The following DCLK1 variants were observed in gnomAD, a reference collection of about 807,000 sequenced individuals.
The protein encoded by DCLK1 is doublecortin like kinase 1.
Under a neutral mutation model 86.2 loss-of-function variants are expected in DCLK1, and 16 were observed. The observed-to-expected ratio is 0.19, with a 90% confidence interval of 0.13 to 0.28. The LOEUF (loss-of-function observed/expected upper bound fraction) is 0.28. DCLK1 is among the 10% of genes least tolerant of loss of function. The pLI is 1.00. For synonymous variants in DCLK1, 369 were observed against 370.5 expected, an observed-to-expected ratio of 1.00 and a Z score of 0.05; for missense variants, 590 against 940.2, an observed-to-expected ratio of 0.63 and a Z score of 4.87.
intron 4 of DCLK1, among the ~76,000 whole-genome samples, chr13:35,917,424 G>C (rs1233685822): frequency 6.6e-6 from 1 of 152,146 alleles, no homozygotes; most frequent in Non-Finnish European, 1.5e-5. Context: ...CCTGTGGTCA[G>C]TGATGCTTCG....
At chr13:35,914,178 G>A (rs1875224234) in intron 4 of DCLK1, among the ~76,000 whole-genome samples, 1 of 151,674 alleles carries the variant, frequency 6.6e-6, no homozygotes, top group African/African-American at 2.4e-5. Flanking sequence ...TATTAGCTGT[G>A]TATGGTGGCA....
intron 8 of DCLK1, among the ~76,000 whole-genome samples, chr13:35,833,473 C>T (rs1420955513): frequency 2.0e-5 from 3 of 152,158 alleles, no homozygotes; most frequent in Non-Finnish European, 4.4e-5. Context: ...TCACAGTCCA[C>T]TAACTTCCTT....
chr13:35,909,215 C>A (rs1874858676), intron 4 of DCLK1, among the ~76,000 whole-genome samples: 1 of 152,182 alleles, frequency 6.6e-6, no homozygotes, highest in African/African-American at 2.4e-5. Flanking sequence ...GGCTGCTGAG[C>A]CTCCTGGGGG....
chr13:35,999,648 T>C (rs1447177352), intron 3 of DCLK1, among the ~76,000 whole-genome samples: 2 of 152,200 alleles, frequency 1.3e-5, no homozygotes, highest in African/African-American at 4.8e-5. Flanking sequence ...AATTTTGTTT[T>C]CTTGACACAA....
chr13:36,040,894 T>C (rs921432664), intron 3 of DCLK1, among the ~76,000 whole-genome samples: 5 of 152,192 alleles, frequency 3.3e-5, no homozygotes, highest in Non-Finnish European at 5.9e-5. Flanking sequence ...TTAAATCGGT[T>C]CCTGTGTCCT....
At chr13:36,057,366 G>T (rs1344161687) in intron 3 of DCLK1, among the ~76,000 whole-genome samples, 1 of 152,092 alleles carries the variant, frequency 6.6e-6, no homozygotes, top group African/African-American at 2.4e-5. Flanking sequence ...GTATAAGTGA[G>T]GATTTAAGTG....
At chr13:35,905,105 G>T (rs996077738) in intron 4 of DCLK1, among the ~76,000 whole-genome samples, 3 of 152,188 alleles carry the variant, frequency 2.0e-5, no homozygotes, top group African/African-American at 7.2e-5. Context: ...CTCAATGAGA[G>T]GGTGTCAAAA....
chr13:35,882,045 A>C (rs1415953612), intron 4 of DCLK1, among the ~76,000 whole-genome samples: 1 of 152,228 alleles, frequency 6.6e-6, no homozygotes, highest in East Asian at 1.9e-4. Flanking sequence ...TTCATGGCTT[A>C]AAATGACCAA....
intron 3 of DCLK1, 140 bp downstream of exon 3, chr13:36,111,729 G>A (rs1885624985): frequency 1.5e-6 from 1 of 668,114 alleles, no homozygotes; most frequent in Non-Finnish European, 2.5e-6. Context: ...ACTGTTCTAG[G>A]GCCAGCAAGT....
chr13:36,056,634 A>G (rs1883324697), intron 3 of DCLK1, among the ~76,000 whole-genome samples: 2 of 145,934 alleles, frequency 1.4e-5, no homozygotes, highest in African/African-American at 2.6e-5. Context: ...AAAAAAAAAA[A>G]AAGAAAGAAA....
chr13:36,072,948 C>T (rs948503690), intron 3 of DCLK1, among the ~76,000 whole-genome samples: 10 of 152,206 alleles, frequency 6.6e-5, no homozygotes, highest in African/African-American at 1.9e-4. Flanking sequence ...ATAATTCATG[C>T]GCATTACTAC....
Position 35,882,175 on chromosome 13 carries a change from C to G in DCLK1, c.824-10835G>C, listed in dbSNP as rs149165626. On this transcript the variant is annotated intron_variant, in intron 4 of 16. Transcript: ENST00000360631. The stretch of plus-strand genomic sequence containing the variant: ...CCTTGTCGCTTATAGTTTCTGGTGA[C>G]TCCAGGCATTCCTTAGCTTGTGGCC... 1.7e-3 allele frequency among the ~76,000 whole-genome samples: 253 copies of G among 152,240 alleles called. 1 individual carries two copies. Among genetic ancestry groups the G allele is most frequent in the Non-Finnish European group, 1.7e-3 (115 of 68,016 alleles).
At chr13:35,966,439 G>C (rs1878735459) in intron 3 of DCLK1, among the ~76,000 whole-genome samples, 1 of 151,526 alleles carries the variant, frequency 6.6e-6, no homozygotes, top group Non-Finnish European at 1.5e-5. Flanking sequence ...AACCATAAAA[G>C]AGATTATTCA....
At chr13:35,943,318 A>G (rs1877189374) in intron 4 of DCLK1, among the ~76,000 whole-genome samples, 1 of 152,194 alleles carries the variant, frequency 6.6e-6, no homozygotes, top group African/African-American at 2.4e-5. Flanking sequence ...CAGAGGGAGC[A>G]CAGCCCTGCC....
intron 3 of DCLK1, among the ~76,000 whole-genome samples, chr13:35,981,482 G>A (rs1194984346): frequency 6.6e-6 from 1 of 151,978 alleles, no homozygotes; most frequent in Non-Finnish European, 1.5e-5. Flanking sequence ...AACCTACATT[G>A]CCACATCACT....
At chr13:35,926,671 C>T (rs1379677523) in intron 4 of DCLK1, among the ~76,000 whole-genome samples, 1 of 152,222 alleles carries the variant, frequency 6.6e-6, no homozygotes, top group African/African-American at 2.4e-5. Context: ...AAAATAATAT[C>T]ACCAAGTAGT....
At position 36,030,336 on chromosome 13, in the gene DCLK1, GC is replaced by G. The variant is rs548344406; in HGVS notation, c.723+81532del. On this transcript the variant is annotated intron_variant, in intron 3 of 16. Coordinates refer to ENST00000360631, the MANE Select transcript of DCLK1 (RefSeq NM_001330071.2). The stretch of plus-strand genomic sequence containing the variant: ...TTTGAGACGGAGTTTTGCTCTTGTT[GC>G]CCAGGCTGGAGTGCAGTGGCACGAT... 1.6e-4 allele frequency among the ~76,000 whole-genome samples: 24 copies of G among 151,960 alleles called. 1 individual carries two copies. The South Asian group carries it at 2.7e-3, about 17-fold the overall frequency.
chr13:35,856,331 TAGAAA>T (rs752668156), intron 5 of DCLK1, among the ~76,000 whole-genome samples: 4 of 152,066 alleles, frequency 2.6e-5, no homozygotes, highest in Non-Finnish European at 5.9e-5. Context: ...GGCTCAGAAA[TAGAAA>T]AGGATTAAAG....
At chr13:35,904,248 C>T (rs1340051019) in intron 4 of DCLK1, among the ~76,000 whole-genome samples, 1 of 152,168 alleles carries the variant, frequency 6.6e-6, no homozygotes, top group Non-Finnish European at 1.5e-5. Context: ...CAGAGTCTGA[C>T]TTTGTTGCCC....
Sources: allele counts gnomAD v4.1 joint callset (sites outside exome capture counted in the v4.1 genomes callset), GRCh38; gene constraint gnomAD v4.1.1; transcripts MANE v1.5; gene names NCBI Gene and HGNC (gene_info 2026-07-23, HGNC 2026-07-21).